HIPK2: variants seen among roughly 807,000 people sequenced by gnomAD.
HIPK2 encodes the protein homeodomain-interacting protein kinase 2.
In HIPK2, 27 loss-of-function variants were observed where a neutral mutation model predicts 113.7. The ratio of observed to expected loss-of-function variants is 0.24; its 90% CI spans 0.17 to 0.33. The LOEUF (loss-of-function observed/expected upper bound fraction) is 0.33. Among genes scored for constraint, HIPK2 ranks in the 10% least tolerant of loss-of-function variants. HIPK2 has a pLI of 1.00. For missense variants in HIPK2, 1,257 were observed against 1,588.0 expected (o/e 0.79, Z 3.54); for synonymous variants, 631 against 642.2 (o/e 0.98, Z 0.26).
chr7:139,777,012 C>G (rs891572710), intron 1 of HIPK2: 1 of 152,428 alleles, frequency 6.6e-6, no homozygotes, highest in African/African-American at 2.4e-5. Flanking sequence ...GTCCACGTCC[C>G]CTTCCACACG....
intron 12 of HIPK2, among the ~76,000 whole-genome samples, chr7:139,591,480 C>T (rs1021506249): frequency 6.6e-6 from 1 of 152,216 alleles, no homozygotes; most frequent in Admixed American, 6.5e-5. Context: ...CCCTCTGCCA[C>T]CCCTCTTCCT....
rs946798545 is a variant in HIPK2, at chr7:139,683,660, T to C, written c.1103+32272A>G. Among the ~76,000 whole-genome samples, 1 of 152,166 alleles carries C rather than the reference T, an allele frequency of 6.6e-6. No individual in the cohort carries two copies. Among genetic ancestry groups the C allele is most frequent in the Non-Finnish European group, 1.5e-5 (1 of 68,024 alleles). On this transcript the variant is annotated intron_variant, in intron 2 of 14. Coordinates refer to ENST00000406875, the MANE Select transcript of HIPK2 (RefSeq NM_022740.5). The surrounding 1 kb of genome is among the most constrained non-coding windows in gnomAD (Gnocchi z 4.2). ...GGTCATTAGGGGCCTTCCTGGAGGT[T>C]GGCTGCCACTGTCATACCCTGGCAA... is the stretch of plus-strand genomic sequence containing the variant.
chr7:139,740,488 C>T (rs376252955), intron 1 of HIPK2, among the ~76,000 whole-genome samples: 106 of 152,348 alleles, frequency 7.0e-4, no homozygotes, highest in Admixed American at 1.2e-3. Flanking sequence ...GCTGTCTGTG[C>T]TCCTGGTCAA....
At chr7:139,710,257 C>T (rs1252709540) in intron 2 of HIPK2, among the ~76,000 whole-genome samples, 1 of 152,144 alleles carries the variant, frequency 6.6e-6, no homozygotes, top group Non-Finnish European at 1.5e-5. Context: ...CAGTACAGGC[C>T]TTCGACTCCC....
intron 1 of HIPK2, among the ~76,000 whole-genome samples, chr7:139,741,402 CA>C (rs764096386): frequency 3.9e-5 from 6 of 152,316 alleles, no homozygotes; most frequent in Non-Finnish European, 8.8e-5. Context: ...TGCAACATTT[CA>C]CTTGTCCTTC....
At chr7:139,648,218 A>G (rs905813657) in intron 2 of HIPK2, among the ~76,000 whole-genome samples, 1 of 152,234 alleles carries the variant, frequency 6.6e-6, no homozygotes, top group Admixed American at 6.5e-5. Flanking sequence ...ACATACCCCA[A>G]AGTTTCAACC....
intron 1 of HIPK2, among the ~76,000 whole-genome samples, chr7:139,747,764 T>TC (rs1171802517): frequency 2.6e-5 from 4 of 152,132 alleles, no homozygotes; most frequent in African/African-American, 9.7e-5. Flanking sequence ...TTCCCTTGGG[T>TC]CCCATCCCAC....
intron 1 of HIPK2, among the ~76,000 whole-genome samples, chr7:139,724,899 T>C (rs1448230418): frequency 1.3e-5 from 2 of 152,012 alleles, no homozygotes; most frequent in Non-Finnish European, 2.9e-5. Flanking sequence ...AATGATAGAC[T>C]GGATTAAGAA....
At chr7:139,686,750 C>T (rs536456539) in intron 2 of HIPK2, among the ~76,000 whole-genome samples, 115 of 152,328 alleles carry the variant, frequency 7.5e-4, no homozygotes, top group African/African-American at 2.6e-3. Context: ...TTCTTCATAG[C>T]AGCGTGAGAA....
chr7:139,755,967 A>G (rs1796355908), intron 1 of HIPK2, among the ~76,000 whole-genome samples: 1 of 152,212 alleles, frequency 6.6e-6, no homozygotes, highest in African/African-American at 2.4e-5. Flanking sequence ...CAGGAAATGC[A>G]TATTCTTCTG....
At chr7:139,604,244 G>A (rs746394502) in intron 9 of HIPK2, 21 bp from the exon 10 acceptor site, 11 of 1,589,774 alleles carry the variant, frequency 6.9e-6, no homozygotes, top group Non-Finnish European at 7.7e-6. Flanking sequence ...CAGGACATGT[G>A]CAATGACCAT....
chr7:139,575,612 C>A (rs11980170), intron 13 of HIPK2, among the ~76,000 whole-genome samples: 1 of 152,228 alleles, frequency 6.6e-6, no homozygotes, highest in Non-Finnish European at 1.5e-5. Flanking sequence ...GGAGGTGTTA[C>A]TTTCAGCATC....
At chr7:139,673,582 C>T (rs976478027) in intron 2 of HIPK2, among the ~76,000 whole-genome samples, 4 of 152,226 alleles carry the variant, frequency 2.6e-5, no homozygotes, top group South Asian at 2.1e-4. Context: ...TGAGGAGGGA[C>T]GTAGAGACTG....
intron 1 of HIPK2, among the ~76,000 whole-genome samples, chr7:139,736,702 A>AGGATTG (rs1795948520): frequency 1.3e-5 from 2 of 152,226 alleles, no homozygotes; most frequent in Non-Finnish European, 2.9e-5. Context: ...ATGGAGTACA[A>AGGATTG]CAGGAACTAC....
chr7:139,579,791 G>A (rs1388294424), intron 13 of HIPK2, among the ~76,000 whole-genome samples: 2 of 152,124 alleles, frequency 1.3e-5, no homozygotes, highest in Admixed American at 6.5e-5. Context: ...TTCAGAGGCC[G>A]CAAATCCAAC....
At chr7:139,617,201 TGCA>T (rs1158402954) in intron 7 of HIPK2, among the ~76,000 whole-genome samples, 3 of 152,182 alleles carry the variant, frequency 2.0e-5, no homozygotes, top group Non-Finnish European at 4.4e-5. Flanking sequence ...GAAGAGCTCT[TGCA>T]GCTGACAGAT....
At chr7:139,688,106 C>A (rs1025671780) in intron 2 of HIPK2, among the ~76,000 whole-genome samples, 4 of 152,166 alleles carry the variant, frequency 2.6e-5, no homozygotes, top group Non-Finnish European at 5.9e-5. Context: ...CACACACACA[C>A]ACGCAGCCCA....
At chr7:139,648,725 G>A (rs1801338377) in intron 2 of HIPK2, among the ~76,000 whole-genome samples, 1 of 151,970 alleles carries the variant, frequency 6.6e-6, no homozygotes, top group South Asian at 2.1e-4. Context: ...GACGGAGGAC[G>A]GCTCTTGGGA....
intron 1 of HIPK2, among the ~76,000 whole-genome samples, chr7:139,773,200 G>C (rs961468770): frequency 6.6e-6 from 1 of 152,308 alleles, no homozygotes; most frequent in East Asian, 1.9e-4. Context: ...GAAGGGCGCA[G>C]GGCGGTGCAC....
Sources: allele counts gnomAD v4.1 joint callset (sites outside exome capture counted in the v4.1 genomes callset), GRCh38; gene constraint gnomAD v4.1.1; non-coding constraint Gnocchi (gnomAD v3.1); transcripts MANE v1.5; gene names NCBI Gene and HGNC (gene_info 2026-07-23, HGNC 2026-07-21).